LPAR3: variants seen among roughly 807,000 people sequenced by gnomAD.
LPAR3 encodes lysophosphatidic acid receptor 3.
In LPAR3, 7 loss-of-function variants were observed where a neutral mutation model predicts 17.8. That is an observed-to-expected ratio of 0.39 (90% CI 0.22 to 0.74). The LOEUF (loss-of-function observed/expected upper bound fraction) is 0.74. LPAR3 is among the 30% of genes least tolerant of loss of function. The pLI, the probability that LPAR3 is intolerant of heterozygous loss-of-function variation, is 0.40. For synonymous variants in LPAR3, 179 were observed against 179.9 expected (o/e 0.99, Z 0.04); for missense variants, 391 against 453.4 (o/e 0.86, Z 1.25).
At chr1:84,858,883 G>T (rs1457445164) in intron 2 of LPAR3, among the ~76,000 whole-genome samples, 2 of 152,196 alleles carry the variant, frequency 1.3e-5, no homozygotes, top group East Asian at 1.9e-4. Flanking sequence ...GCAGTAATCA[G>T]ATTTACTCCA....
chr1:84,814,528 A>G (rs1391978530), intron 2 of LPAR3, among the ~76,000 whole-genome samples: 1 of 152,226 alleles, frequency 6.6e-6, no homozygotes, highest in East Asian at 1.9e-4. Flanking sequence ...CATTATCCAC[A>G]TTGGACAGAT....
chr1:84,842,275 A>T (rs1316515077), intron 2 of LPAR3, among the ~76,000 whole-genome samples: 1 of 152,238 alleles, frequency 6.6e-6, no homozygotes, highest in African/African-American at 2.4e-5. Context: ...TAGGGCAAGA[A>T]ATTGAAACAC....
intron 1 of LPAR3, among the ~76,000 whole-genome samples, chr1:84,868,666 T>C (rs988855598): frequency 1.3e-4 from 20 of 152,100 alleles, no homozygotes; most frequent in Admixed American, 7.9e-4. Context: ...TGAATGGGAT[T>C]AGTGCCCTTA....
At chr1:84,838,480 C>T (rs893384804) in intron 2 of LPAR3, among the ~76,000 whole-genome samples, 3 of 152,196 alleles carry the variant, frequency 2.0e-5, no homozygotes, top group African/African-American at 7.2e-5. Flanking sequence ...ACTTCCCTCT[C>T]CCCATCCCAA....
At chr1:84,828,160 C>T (rs956758584) in intron 2 of LPAR3, among the ~76,000 whole-genome samples, 5 of 152,110 alleles carry the variant, frequency 3.3e-5, no homozygotes, top group Non-Finnish European at 5.9e-5. Context: ...TAAAAGCAGG[C>T]TAAGTGAGCG....
Position 84,863,673 on chromosome 1 carries a change from T to C in LPAR3, c.736+1712A>G, listed in dbSNP as rs144978539. Among the ~76,000 whole-genome samples the C allele has an allele frequency of 2.5e-3, 384 of 152,274 alleles. 3 individuals carry two copies. Among genetic ancestry groups the C allele is most frequent in the African/African-American group, 8.9e-3 (370 of 41,544 alleles). ...CCAGTTTCCCCCCAGGACTCTCAAA[T>C]GTACATCTCCAGCCCAGACCTAAAT... On this transcript the variant is annotated intron_variant, in intron 2 of 2. Coordinates refer to ENST00000370611, the MANE Select transcript of LPAR3 (RefSeq NM_012152.3).
chr1:84,824,267 A>G (rs1299630039), intron 2 of LPAR3, among the ~76,000 whole-genome samples: 7 of 152,146 alleles, frequency 4.6e-5, no homozygotes, highest in African/African-American at 1.2e-4. Flanking sequence ...ATGCTGCCTT[A>G]CAGAGAGATG....
intron 2 of LPAR3, among the ~76,000 whole-genome samples, chr1:84,858,483 C>CAAA (rs10615696): frequency 9.5e-6 from 1 of 105,774 alleles, no homozygotes; most frequent in Non-Finnish European, 1.9e-5. Flanking sequence ...GAGACTGTCT[C>CAAA]AAAAAAAAAA....
At chr1:84,878,534 A>G (rs548500390) in intron 1 of LPAR3, among the ~76,000 whole-genome samples, 4 of 152,168 alleles carry the variant, frequency 2.6e-5, no homozygotes, top group Non-Finnish European at 5.9e-5. Flanking sequence ...TTTCATGCTA[A>G]GCTACCACTT....
At chr1:84,842,467 A>G (rs1659521268) in intron 2 of LPAR3, among the ~76,000 whole-genome samples, 1 of 152,250 alleles carries the variant, frequency 6.6e-6, no homozygotes, top group Admixed American at 6.5e-5. Flanking sequence ...GAATGAGCAG[A>G]AATCATTTTC....
chr1:84,830,726 C>T (rs148305434), intron 2 of LPAR3, among the ~76,000 whole-genome samples: 35 of 152,258 alleles, frequency 2.3e-4, no homozygotes, highest in African/African-American at 7.5e-4. Flanking sequence ...AGAGGAAACA[C>T]AGAGGTAATG....
intron 1 of LPAR3, among the ~76,000 whole-genome samples, chr1:84,888,208 G>T (rs1042311409): frequency 6.6e-6 from 1 of 150,936 alleles, no homozygotes; most frequent in African/African-American, 2.4e-5. Flanking sequence ...AGAGAAGGAG[G>T]GAGGGAGAGA....
chr1:84,861,658 C>T (rs1659944180), intron 2 of LPAR3, among the ~76,000 whole-genome samples: 1 of 152,144 alleles, frequency 6.6e-6, no homozygotes, highest in South Asian at 2.1e-4. Flanking sequence ...AGCTGGAAGT[C>T]TTCAGCCTTA....
intron 2 of LPAR3, among the ~76,000 whole-genome samples, chr1:84,842,892 A>C (rs957897091): frequency 6.6e-6 from 1 of 152,214 alleles, no homozygotes; most frequent in African/African-American, 2.4e-5. Flanking sequence ...GAAGAAAAAA[A>C]AAGATTCCCT....
chr1:84,821,099 T>G (rs1659043472), intron 2 of LPAR3, among the ~76,000 whole-genome samples: 1 of 152,024 alleles, frequency 6.6e-6, no homozygotes, highest in African/African-American at 2.4e-5. Flanking sequence ...TTTTTTTTTT[T>G]TAAAGTTTGA....
At chr1:84,814,784 C>A (rs561100042) in intron 2 of LPAR3, among the ~76,000 whole-genome samples, 4 of 152,144 alleles carry the variant, frequency 2.6e-5, no homozygotes, top group Non-Finnish European at 2.9e-5. Flanking sequence ...GACATATTCA[C>A]GGGCCATCTG....
intron 1 of LPAR3, among the ~76,000 whole-genome samples, chr1:84,888,177 C>G (rs1039876951): frequency 3.5e-4 from 10 of 28,330 alleles, no homozygotes; most frequent in African/African-American, 1.1e-3. Context: ...CACACACACA[C>G]ACAGAGAGAG....
chr1:84,831,849 A>G (rs1659290355), intron 2 of LPAR3, among the ~76,000 whole-genome samples: 1 of 145,484 alleles, frequency 6.9e-6, no homozygotes, highest in African/African-American at 2.5e-5. Flanking sequence ...TATATATAAT[A>G]TACATATATC....
chr1:84,825,812 T>C (rs772307124), intron 2 of LPAR3, among the ~76,000 whole-genome samples: 1 of 152,218 alleles, frequency 6.6e-6, no homozygotes, highest in Non-Finnish European at 1.5e-5. Context: ...ATCAGTACGG[T>C]GCGCAAACCC....
Sources: allele counts gnomAD v4.1 joint callset (sites outside exome capture counted in the v4.1 genomes callset), GRCh38; gene constraint gnomAD v4.1.1; transcripts MANE v1.5; gene names NCBI Gene and HGNC (gene_info 2026-07-23, HGNC 2026-07-21).